The following SP140 variants were observed in gnomAD, a reference collection of about 807,000 sequenced individuals.
The protein encoded by SP140 is nuclear body protein SP140.
In SP140, 81 loss-of-function variants were observed where a neutral mutation model predicts 125.0. The ratio of observed to expected loss-of-function variants is 0.65; its 90% CI spans 0.54 to 0.78. The LOEUF (loss-of-function observed/expected upper bound fraction) is 0.78. SP140 is among the 30% of genes least tolerant of loss of function. The pLI, the probability that SP140 is intolerant of heterozygous loss-of-function variation, is 0.00. For synonymous variants in SP140, 312 were observed against 354.0 expected (o/e 0.88, Z 1.33); for missense variants, 858 against 1,037.0 (o/e 0.83, Z 2.37).
At chr2:230,298,695 G>C (rs1426987779) in intron 22 of SP140, among the ~76,000 whole-genome samples, 1 of 152,168 alleles carries the variant, frequency 6.6e-6, no homozygotes, top group Non-Finnish European at 1.5e-5. Flanking sequence ...ACTTTGCTTA[G>C]GTTGAATCTC....
Position 230,312,967 on chromosome 2 carries a change from G to A in SP140, c.*283G>A. Reference sequence around the variant, plus strand: ...ACAGGCTCTTACCTCTTCTCCTGAGGGCTGCTCCAGACAACATTTATTACC... The same window carrying A: ...ACAGGCTCTTACCTCTTCTCCTGAGAGCTGCTCCAGACAACATTTATTACC... On this transcript the variant is annotated 3_prime_UTR_variant, in exon 27 of 27. Transcript: ENST00000392045. 1 of 315,082 alleles carries A rather than the reference G, an allele frequency of 3.2e-6. No homozygotes were observed. Among genetic ancestry groups the A allele is most frequent in the Non-Finnish European group, 5.9e-6 (1 of 169,154 alleles). 19.5% of individuals were successfully genotyped at this position (315,082 alleles called of 1,614,324 possible). A position where few individuals can be genotyped will look rare whatever the true frequency, so the allele number is the denominator to read the frequency against.
chr2:230,244,871 T>C, intron 5 of SP140, 117 bp from the exon 6 acceptor site: 2 of 660,410 alleles, frequency 3.0e-6, no homozygotes, highest in Admixed American at 2.8e-5. Context: ...TCAGGCGAGG[T>C]CCTTGGAGCA....
In SP140 at chr2:230,255,778, T is replaced by G. The variant is rs1167474757; in HGVS notation, c.1240+246T>G. Among the ~76,000 whole-genome samples, 5 of 152,210 alleles carry G rather than the reference T, an allele frequency of 3.3e-5. No individual in the cohort carries two copies. The East Asian group carries it at 9.6e-4, about 29-fold the overall frequency. ...TTTGAACATATGTGTTCAGGCAGTC[T>G]AGTGGTAGTCAAAATATGCCAAGGC... On this transcript the variant is annotated intron_variant, in intron 12 of 26. Transcript: ENST00000392045.
intron 12 of SP140, among the ~76,000 whole-genome samples, chr2:230,264,879 G>A (rs1575098701): frequency 1.3e-5 from 2 of 152,288 alleles, no homozygotes; most frequent in East Asian, 3.9e-4. Context: ...TGGAGGTGAA[G>A]GGGGTGCAAT....
chr2:230,241,437 A>C lies in SP140; in HGVS notation c.440A>C (p.Asn147Thr), dbSNP rs2149136978. The change falls in exon 4 of 27, where the codon AAT becomes ACT. Residue 147 changes from asparagine (N) to threonine (T), a missense_variant. Transcript: ENST00000392045. ...GAACACTCACCTCTCCAAATGAATAATGTAAACGATTTAGAAGATAGACCC... is the reference window on the plus strand; with the variant it reads ...GAACACTCACCTCTCCAAATGAATACTGTAAACGATTTAGAAGATAGACCC... Reference protein sequence around the residue: ...CYEHSPLQMNNVNDLEDRPRL... With the variant: ...CYEHSPLQMNTVNDLEDRPRL... 1 of 1,599,660 alleles carries C rather than the reference A, an allele frequency of 6.3e-7. No individual in the cohort carries two copies. Among genetic ancestry groups the C allele is most frequent in the Admixed American group, 1.7e-5 (1 of 59,966 alleles).
At chr2:230,293,638 A>G (rs1322467580) in intron 20 of SP140, among the ~76,000 whole-genome samples, 1 of 152,098 alleles carries the variant, frequency 6.6e-6, no homozygotes, top group Non-Finnish European at 1.5e-5. Context: ...GCCCCGCCAT[A>G]AAACAGTATT....
intron 21 of SP140, among the ~76,000 whole-genome samples, chr2:230,295,756 CT>C (rs934505328): frequency 8.5e-5 from 13 of 152,290 alleles, no homozygotes; most frequent in Admixed American, 4.6e-4. Context: ...CCACATAGAC[CT>C]TTTGGTGGCA....
intron 1 of SP140, chr2:230,212,900 G>A: frequency 6.2e-7 from 1 of 1,614,114 alleles, no homozygotes; most frequent in East Asian, 2.2e-5. Flanking sequence ...AGGGTGAACA[G>A]CTTGGTTGAG....
intron 17 of SP140, among the ~76,000 whole-genome samples, chr2:230,286,994 A>G (rs2056466150): frequency 6.6e-6 from 1 of 152,250 alleles, no homozygotes. Context: ...GTGGACATCC[A>G]GCACAAGAAG....
At chr2:230,316,281 A>G (rs530911949), downstream of SP140, among the ~76,000 whole-genome samples, 22 of 150,286 alleles carry the variant, frequency 1.5e-4, no homozygotes, top group African/African-American at 5.2e-4. Context: ...CAGGGGTTCA[A>G]TGGTCTGGAG....
At chr2:230,279,312 G>A (rs1047406339) in intron 15 of SP140, among the ~76,000 whole-genome samples, 1 of 151,700 alleles carries the variant, frequency 6.6e-6, no homozygotes, top group South Asian at 2.1e-4. Flanking sequence ...TAGGTAAAAG[G>A]AATCCTAAAA....
upstream of SP140, chr2:230,200,583 T>G: frequency 2.3e-6 from 1 of 438,196 alleles, no homozygotes; most frequent in Non-Finnish European, 4.2e-6. Flanking sequence ...CTTAGGACAC[T>G]CATTCTCAGT....
chr2:230,251,889 G>T (rs1016316246), intron 10 of SP140, among the ~76,000 whole-genome samples: 20 of 152,058 alleles, frequency 1.3e-4, no homozygotes, highest in Admixed American at 9.8e-4. Context: ...ATGTGACACC[G>T]GTGTTTGTTA....
intron 1 of SP140, among the ~76,000 whole-genome samples, chr2:230,229,456 CTTTTTTT>C (rs1163771237): frequency 2.5e-3 from 143 of 57,532 alleles, no homozygotes; most frequent in African/African-American, 7.7e-3. Context: ...TGAAGAAATT[CTTTTTTT>C]TTTTTTTTTT....
intron 1 of SP140, among the ~76,000 whole-genome samples, chr2:230,233,343 C>T (rs1454683968): frequency 6.6e-6 from 1 of 152,028 alleles, no homozygotes; most frequent in African/African-American, 2.4e-5. Flanking sequence ...CAAGATATCG[C>T]ACCACTGCAC....
downstream of SP140, among the ~76,000 whole-genome samples, chr2:230,315,771 G>A (rs2059480061): frequency 6.6e-6 from 1 of 152,132 alleles, no homozygotes; most frequent in Admixed American, 6.5e-5. Context: ...GGCAGGGGTT[G>A]TTACCCCAGT....
intron 1 of SP140, among the ~76,000 whole-genome samples, chr2:230,230,076 G>A (rs1376999211): frequency 6.6e-6 from 1 of 152,152 alleles, no homozygotes; most frequent in Non-Finnish European, 1.5e-5. Context: ...AGAATAGTAG[G>A]AGTTGCAGGA....
intron 12 of SP140, among the ~76,000 whole-genome samples, chr2:230,256,899 A>C (rs767813214): frequency 1.3e-5 from 2 of 152,116 alleles, no homozygotes; most frequent in Non-Finnish European, 2.9e-5. Context: ...TTTTCAGAGT[A>C]CTCTGATAGG....
At chr2:230,193,956 G>T in the SP140 span, among the ~76,000 whole-genome samples, 1 of 152,126 alleles carries the variant, frequency 6.6e-6, no homozygotes, top group African/African-American at 2.4e-5. Flanking sequence ...TGAATGTCAA[G>T]TTTTCCTATA....
Sources: allele counts gnomAD v4.1 joint callset (sites outside exome capture counted in the v4.1 genomes callset), GRCh38; gene constraint gnomAD v4.1.1; transcripts MANE v1.5; gene names NCBI Gene and HGNC (gene_info 2026-07-23, HGNC 2026-07-21).